WDR35: variants seen among roughly 807,000 people sequenced by gnomAD.
WDR35 encodes WD repeat-containing protein 35.
A neutral mutation model predicts 158.3 loss-of-function variants in WDR35; 118 were observed. That is an observed-to-expected ratio of 0.75 (90% confidence interval 0.64 to 0.87). The LOEUF (loss-of-function observed/expected upper bound fraction) is 0.87, where lower values mean the gene tolerates loss of function less well. Among genes scored for constraint, WDR35 ranks in the 40% least tolerant of loss-of-function variants. The pLI is 0.00. For missense variants in WDR35, 1,263 were observed against 1,405.8 expected, an observed-to-expected ratio of 0.90 and a Z score of 1.62; for synonymous variants, 448 against 476.1, an observed-to-expected ratio of 0.94 and a Z score of 0.77.
intron 17 of WDR35, 147 bp from the exon 18 acceptor site, chr2:19,938,548 T>C (rs2103406450): frequency 1.8e-6 from 2 of 1,112,622 alleles, no homozygotes; most frequent in East Asian, 2.6e-5. Context: ...ATCTTCACGT[T>C]TGGGTCTTTT....
In WDR35 at chr2:19,931,256, C is replaced by A. The variant is rs557213514; in HGVS notation, c.2964+13G>T. The A allele has an allele frequency of 5.6e-6, 9 of 1,600,858 alleles. No homozygotes were observed. Among genetic ancestry groups the A allele is most frequent in the Non-Finnish European group, 7.7e-6 (9 of 1,173,014 alleles). ...CTTCCAATGATGTAATGTTATTTAA[C>A]GTGCTACTTTACCTCTGAACTTTTT... On this transcript the variant is annotated intron_variant, in intron 24 of 26. Transcript: ENST00000281405.
chr2:19,915,411 T>C (rs1295037865), intron 25 of WDR35, among the ~76,000 whole-genome samples: 1 of 151,186 alleles, frequency 6.6e-6, no homozygotes, highest in Non-Finnish European at 1.5e-5. Context: ...AGGTCATACA[T>C]TGTTTCAGAT....
intron 11 of WDR35, among the ~76,000 whole-genome samples, chr2:19,959,540 A>G (rs1671564424): frequency 6.6e-6 from 1 of 152,058 alleles, no homozygotes; most frequent in South Asian, 2.1e-4. Context: ...TGAATGTAAG[A>G]CATGAAGTTG....
intron 25 of WDR35, among the ~76,000 whole-genome samples, chr2:19,916,549 G>T (rs1669997462): frequency 6.6e-6 from 1 of 152,232 alleles, no homozygotes; most frequent in African/African-American, 2.4e-5. Context: ...TGAGCTTGGT[G>T]GGGGAAGAGG....
chr2:19,916,526 A>C (rs1468109528), intron 25 of WDR35, among the ~76,000 whole-genome samples: 1 of 152,188 alleles, frequency 6.6e-6, no homozygotes, highest in Non-Finnish European at 1.5e-5. Flanking sequence ...AGTTTGAGCT[A>C]ACCTGGGATG....
intron 25 of WDR35, 76 bp from the exon 26 acceptor site, chr2:19,914,353 G>A: frequency 6.3e-7 from 1 of 1,588,432 alleles, no homozygotes; most frequent in Non-Finnish European, 8.6e-7. Context: ...AAGAATCTAA[G>A]TTAAGGTGAT....
chr2:19,917,361 C>T (rs781659589), intron 25 of WDR35, among the ~76,000 whole-genome samples: 1 of 152,160 alleles, frequency 6.6e-6, no homozygotes, highest in Non-Finnish European at 1.5e-5. Context: ...AACTCCTCAC[C>T]AGCAAGGGAA....
At position 19,945,838 on chromosome 2, in the gene WDR35, A is replaced by G; in HGVS notation, c.1793T>C (p.Phe598Ser). The G allele has an allele frequency of 1.9e-6, 3 of 1,613,966 alleles. No individual in the cohort carries two copies. The highest frequency in any genetic ancestry group is 2.5e-6 in the Non-Finnish European group (3 of 1,179,860). The change falls in exon 16 of 27, where the codon TTT (phenylalanine) becomes TCT (serine). Residue 598 changes from phenylalanine (F) to serine (S), a missense_variant. By Grantham distance (155) the Phe-to-Ser change is radical. Transcript: ENST00000281405. ...CATTCTTGTCTTCTCCATCATTGCA[A>G]ACAAATCAGGATTATCTTTGGCCCA... Reference protein sequence around the residue: ...MKWAKDNPDLFAMMEKTRMYV... With the variant: ...MKWAKDNPDLSAMMEKTRMYV...
At chr2:19,940,995 C>T (rs1185902711) in intron 17 of WDR35, among the ~76,000 whole-genome samples, 1 of 152,170 alleles carries the variant, frequency 6.6e-6, no homozygotes, top group African/African-American at 2.4e-5. Flanking sequence ...ATGAAACTGG[C>T]TCACAATAAA....
intron 25 of WDR35, among the ~76,000 whole-genome samples, chr2:19,925,948 T>C (rs1462387185): frequency 6.6e-6 from 1 of 152,186 alleles, no homozygotes; most frequent in Admixed American, 6.5e-5. Flanking sequence ...GGTTAACAGA[T>C]AAGCCAATTT....
Position 19,935,535 on chromosome 2 carries a change from A to G in WDR35, c.2483T>C (p.Leu828Ser). Residue 828 changes from leucine to serine, a missense_variant, in exon 21 of 27, where the codon TTA (leucine) becomes TCA (serine). By Grantham distance (145) the Leu-to-Ser change is moderately radical. Transcript: ENST00000281405. Reference protein sequence around the residue: ...QERLAECYYMLEDYEGLENLA... With the variant: ...QERLAECYYMSEDYEGLENLA... ...GTTCTCTAACCCTTCATAATCCTCT[A>G]ACATATAGTAACATTCAGCTAAGCG... The G allele has an allele frequency of 6.2e-7, 1 of 1,613,260 alleles. No individual in the cohort carries two copies. The highest frequency in any genetic ancestry group is 8.5e-7 in the Non-Finnish European group (1 of 1,179,616).
At position 19,980,624 on chromosome 2, in the gene WDR35, C is replaced by T. The variant is rs562719220; in HGVS notation, c.307+67G>A. The stretch of plus-strand genomic sequence containing the variant: ...GTCTATTTTGGAGATGTTATTTACC[C>T]ATCCAAATACTGTGATCCAGATGCC... On this transcript the variant is annotated intron_variant, in intron 4 of 26. Transcript: ENST00000281405. 2.3e-6 allele frequency: 3 copies of T among 1,282,674 alleles called. No homozygotes were observed. The East Asian group carries it at 6.9e-5, about 30-fold the overall frequency. The allele number at this position is 1,282,674 out of a possible 1,614,324, so 79.5% of individuals were successfully genotyped here.
At chr2:19,971,203 G>GGT (rs1672025132) in intron 8 of WDR35, among the ~76,000 whole-genome samples, 1 of 151,968 alleles carries the variant, frequency 6.6e-6, no homozygotes, top group African/African-American at 2.4e-5. Flanking sequence ...GAACTTTACT[G>GGT]GTATCCCTTG....
chr2:19,929,332 A>G (rs1408077966), intron 25 of WDR35, among the ~76,000 whole-genome samples: 1 of 152,260 alleles, frequency 6.6e-6, no homozygotes, highest in African/African-American at 2.4e-5. Flanking sequence ...TTCTTTTAAT[A>G]TCATGCCATT....
chr2:19,960,729 C>T, intron 10 of WDR35, 115 bp from the exon 11 acceptor site: 2 of 773,048 alleles, frequency 2.6e-6, no homozygotes, highest in Non-Finnish European at 4.2e-6. Context: ...TGGGAAATAA[C>T]TGATGAAACT....
intron 10 of WDR35, among the ~76,000 whole-genome samples, chr2:19,965,891 G>A (rs1198060026): frequency 3.3e-5 from 5 of 152,086 alleles, no homozygotes; most frequent in Non-Finnish European, 5.9e-5. Context: ...TTGGGATTCC[G>A]TGATCTAAGC....
At chr2:19,938,237 C>G (rs1431047838) in intron 18 of WDR35, 28 bp downstream of exon 18, 6 of 1,613,754 alleles carry the variant, frequency 3.7e-6, no homozygotes, top group Non-Finnish European at 1.7e-6. Flanking sequence ...CACCTGACAT[C>G]CTGGGAGAGT....
chr2:19,952,955 CAT>C (rs749159245), intron 12 of WDR35, among the ~76,000 whole-genome samples: 8 of 151,902 alleles, frequency 5.3e-5, no homozygotes, highest in South Asian at 2.1e-4. Flanking sequence ...CATCTTAGCA[CAT>C]GAGTGAGTCT....
Position 19,975,617 on chromosome 2 carries a change from A to G in WDR35, c.483T>C (p.His161=), listed in dbSNP as rs752280067. The G allele has an allele frequency of 2.5e-6, 4 of 1,614,116 alleles. 1 individual carries two copies. In the South Asian group the frequency reaches 4.4e-5, roughly 18 times the overall value. Residue 161 remains histidine, a synonymous_variant, in exon 6 of 27, where the codon CAT becomes CAC. Coordinates refer to ENST00000281405, the MANE Select transcript of WDR35 (RefSeq NM_020779.4). The part of the protein sequence containing the change: ...GKDLKGIQLS[H]VTWSADSKVL... The stretch of plus-strand genomic sequence containing the variant: ...CTTTACTGTCCGCAGACCATGTTAC[A>G]TGGGATAGCTGTATACCCTTCAGGT...
Sources: gnomAD v4.1 joint callset for allele counts (sites outside exome capture counted in the v4.1 genomes callset) on GRCh38, gnomAD v4.1.1 for gene constraint, MANE v1.5 for transcripts, NCBI Gene and HGNC (gene_info 2026-07-23, HGNC 2026-07-21) for gene names.